CYP2E1: variants seen among roughly 807,000 people sequenced by gnomAD.
The protein encoded by CYP2E1 is cytochrome P450 family 2 subfamily E member 1, also known as cytochrome P450 2E1.
CYP2E1 carries 31 observed loss-of-function variants against 42.9 expected under a neutral mutation model. The ratio of observed to expected loss-of-function variants is 0.72; its 90% CI spans 0.54 to 0.98. CYP2E1 has a LOEUF of 0.98. CYP2E1 is among the 50% of genes least tolerant of loss of function. CYP2E1 has a pLI of 0.00. For synonymous variants in CYP2E1, 244 were observed against 248.9 expected (o/e 0.98, Z 0.19); for missense variants, 565 against 633.2 (o/e 0.89, Z 1.16).
chr10:133,532,646 T>C lies in CYP2E1; in HGVS notation c.649-46T>C, dbSNP rs369800539. The C allele has an allele frequency of 2.4e-4, 356 of 1,476,510 alleles. 1 individual carries two copies. The highest frequency in any genetic ancestry group is 1.3e-3 in the African/African-American group (94 of 71,240). The allele number at this position is 1,476,510 out of a possible 1,614,324, so 91.5% of individuals were successfully genotyped here. On this transcript the variant is annotated intron_variant, in intron 4 of 8. Transcript: ENST00000252945. Reference sequence around the variant, plus strand: ...GTTGTTGGTCCAACACACACAATTATGTTGCATCCAGAAAAAAGTAGTAAA... The same window carrying C: ...GTTGTTGGTCCAACACACACAATTACGTTGCATCCAGAAAAAAGTAGTAAA...
chr10:133,530,550 C>T (rs1446011504), intron 2 of CYP2E1, among the ~76,000 whole-genome samples: 1 of 152,194 alleles, frequency 6.6e-6, no homozygotes, highest in East Asian at 1.9e-4. Flanking sequence ...CACACGAGCA[C>T]AGCTTCACCA....
chr10:133,532,595 C>T (rs1851352580), intron 4 of CYP2E1, 97 bp from the exon 5 acceptor site: 2 of 1,123,900 alleles, frequency 1.8e-6, no homozygotes, highest in South Asian at 1.5e-5. Flanking sequence ...ACAATGATTA[C>T]AGCCACAAAT....
intron 6 of CYP2E1, among the ~76,000 whole-genome samples, chr10:133,534,470 A>T (rs541696891): frequency 6.6e-6 from 1 of 152,162 alleles, no homozygotes; most frequent in Non-Finnish European, 1.5e-5. Context: ...GCAGAGGGTC[A>T]TGCCCTGAGA....
At position 133,527,518 on chromosome 10, in the gene CYP2E1, C is replaced by T. The variant is rs776753984; in HGVS notation, c.123C>T (p.Ile41=). ...CCCCAGGCCCTTTCCCGCTTCCCAT[C>T]ATCGGGAACCTCTTCCAGTTGGAAT... The part of the protein sequence containing the change: ...NLPPGPFPLP[I]IGNLFQLELK... The change falls in exon 1 of 9, where the codon ATC becomes ATT. Residue 41 remains isoleucine (I), a synonymous_variant. Transcript: ENST00000252945. The T allele has an allele frequency of 6.2e-7, 1 of 1,613,594 alleles. No homozygotes were observed. Among genetic ancestry groups the T allele is most frequent in the Non-Finnish European group, 8.5e-7 (1 of 1,179,914 alleles).
At chr10:133,537,696 T>C (rs1851422263) in intron 7 of CYP2E1, 55 bp from the exon 8 acceptor site, 2 of 1,516,556 alleles carry the variant, frequency 1.3e-6, no homozygotes, top group African/African-American at 1.4e-5. Flanking sequence ...GGTTTCCAGA[T>C]GAAAGCCCAC....
At chr10:133,536,246 A>G (rs948637086) in intron 6 of CYP2E1, among the ~76,000 whole-genome samples, 1 of 152,114 alleles carries the variant, frequency 6.6e-6, no homozygotes, top group East Asian at 1.9e-4. Flanking sequence ...ATGCCAAAAC[A>G]TCCAGTAAAT....
intron 1 of CYP2E1, 56 bp from the exon 2 acceptor site, chr10:133,528,425 G>A: frequency 1.2e-6 from 2 of 1,600,054 alleles, no homozygotes; most frequent in Non-Finnish European, 1.7e-6. Flanking sequence ...GTGGCTTAGA[G>A]CCCCGCACCT....
At chr10:133,528,128 C>T in intron 1 of CYP2E1, 1 of 250,002 alleles carries the variant, frequency 4.0e-6, no homozygotes, top group Non-Finnish European at 7.7e-6. Context: ...CGGGCTCCCG[C>T]GCCAGAACCG....
chr10:133,529,920 C>T (rs1482234508), intron 2 of CYP2E1, among the ~76,000 whole-genome samples: 1 of 152,166 alleles, frequency 6.6e-6, no homozygotes, highest in African/African-American at 2.4e-5. Flanking sequence ...TTGTCGTTAA[C>T]GCAGGAGAAG....
intron 6 of CYP2E1, 112 bp from the exon 7 acceptor site, chr10:133,536,951 T>G (rs1564849914): frequency 6.2e-6 from 5 of 810,090 alleles, no homozygotes; most frequent in African/African-American, 1.7e-5. Context: ...TGGATGGATG[T>G]GTAGGTGGGC....
chr10:133,538,909 T>C lies in CYP2E1; in HGVS notation c.1427T>C (p.Ile476Thr). ...PKDIDLSPIH[I>T]GFGCIPPRYK... The stretch of plus-strand genomic sequence containing the variant: ...GATATCGACCTCAGCCCTATACATA[T>C]TGGGTTTGGCTGTATCCCACCACGT... Residue 476 changes from isoleucine (I) to threonine (T), a missense_variant, in exon 9 of 9, where the codon ATT becomes ACT. Ile to Thr is a moderately conservative substitution (Grantham distance 89, BLOSUM62 -1). Coordinates refer to ENST00000252945, the MANE Select transcript of CYP2E1 (RefSeq NM_000773.4). The C allele has an allele frequency of 3.7e-6, 6 of 1,614,064 alleles. No individual in the cohort carries two copies. Among genetic ancestry groups the C allele is most frequent in the Non-Finnish European group, 5.1e-6 (6 of 1,179,986 alleles).
At chr10:133,532,901 C>T (rs558811484) in intron 5 of CYP2E1, 33 bp downstream of exon 5, 17 of 1,560,598 alleles carry the variant, frequency 1.1e-5, no homozygotes, top group South Asian at 3.7e-5. Context: ...GTGGGCTCTC[C>T]GGGGTGGGCA....
At chr10:133,538,016 G>A in intron 8 of CYP2E1, 124 bp downstream of exon 8, 1 of 907,228 alleles carries the variant, frequency 1.1e-6, no homozygotes, top group African/African-American at 1.6e-5. Flanking sequence ...TGTGTGCCCT[G>A]TTTCTATTGA....
chr10:133,537,811 C>A lies in CYP2E1; in HGVS notation c.1216C>A (p.Pro406Thr). ...VLYDNQEFPDPEKFKPEHFLN... is the reference protein window; with the variant it reads ...VLYDNQEFPDTEKFKPEHFLN... ...GTATGACAACCAAGAATTTCCTGAT[C>A]CAGAAAAGTTTAAGCCAGAACACTT... is the stretch of plus-strand genomic sequence containing the variant. The change falls in exon 8 of 9, where the codon CCA (proline) becomes ACA (threonine). Residue 406 changes from proline to threonine, a missense_variant. Transcript: ENST00000252945. 1 of 1,613,608 alleles carries A rather than the reference C, an allele frequency of 6.2e-7. No individual in the cohort carries two copies. Among genetic ancestry groups the A allele is most frequent in the Non-Finnish European group, 8.5e-7 (1 of 1,179,636 alleles).
Position 133,528,575 on chromosome 10 carries a change from T to C in CYP2E1, c.272T>C (p.Leu91Pro). 6.2e-7 allele frequency: 1 copy of C among 1,613,516 alleles called. No individual in the cohort carries two copies. The highest frequency in any genetic ancestry group is 8.5e-7 in the Non-Finnish European group (1 of 1,179,968). ...HGYKAVKEAL[L>P]DYKDEFSGRG... ...TACAAGGCGGTGAAGGAAGCGCTGC[T>C]GGACTACAAGGACGAGTTCTCGGGC... The change falls in exon 2 of 9, where the codon CTG becomes CCG. Residue 91 changes from leucine to proline, a missense_variant. Transcript: ENST00000252945.
chr10:133,536,738 TGG>T, intron 6 of CYP2E1, among the ~76,000 whole-genome samples: 1 of 23,826 alleles, frequency 4.2e-5, no homozygotes, highest in Non-Finnish European at 2.5e-4. Context: ...GTTGGATGGA[TGG>T]GTGGGTGGGT....
Position 133,533,746 on chromosome 10 carries a change from G to T in CYP2E1, c.826-10G>T. 1 of 1,613,610 alleles carries T rather than the reference G, an allele frequency of 6.2e-7. No individual in the cohort carries two copies. Among genetic ancestry groups the T allele is most frequent in the Non-Finnish European group, 8.5e-7 (1 of 1,179,772 alleles). On this transcript the variant is annotated splice_polypyrimidine_tract_variant and intron_variant, in intron 5 of 8. Coordinates refer to ENST00000252945, the MANE Select transcript of CYP2E1 (RefSeq NM_000773.4). ...GCCCCTTCTCCTCCGGTCTGTCTCC[G>T]GTATCACAGGAAAAGCACAGTGCAG... is the stretch of plus-strand genomic sequence containing the variant.
chr10:133,537,895 G>A lies in CYP2E1; in HGVS notation c.1297+3G>A, dbSNP rs1273436716. ...CTATTTCAAGCCATTTTCCACAGGT[G>A]AGAAAGATCAGAGGCAGTACCTTCC... On this transcript the variant is annotated splice_donor_region_variant and intron_variant, in intron 8 of 8. Transcript: ENST00000252945. The A allele has an allele frequency of 6.2e-6, 10 of 1,612,986 alleles. No homozygotes were observed. The highest frequency in any genetic ancestry group is 2.7e-5 in the African/African-American group (2 of 74,892).
chr10:133,539,049 C>G lies in CYP2E1; in HGVS notation c.*85C>G. On this transcript the variant is annotated 3_prime_UTR_variant, in exon 9 of 9. Transcript: ENST00000252945. Reference sequence around the variant, plus strand: ...CAGGATTTCTCAAACTGATTCCTTTCTTTGCATATGAGTATTTGAAAATAA... The same window carrying G: ...CAGGATTTCTCAAACTGATTCCTTTGTTTGCATATGAGTATTTGAAAATAA... 1.9e-6 allele frequency: 2 copies of G among 1,026,464 alleles called. No homozygotes were observed. Among genetic ancestry groups the G allele is most frequent in the South Asian group, 3.8e-5 (2 of 52,624 alleles). The allele number at this position is 1,026,464 out of a possible 1,614,324, so 63.6% of individuals were successfully genotyped here.
Sources: allele counts gnomAD v4.1 joint callset (sites outside exome capture counted in the v4.1 genomes callset), GRCh38; gene constraint gnomAD v4.1.1; transcripts MANE v1.5; gene names NCBI Gene and HGNC (gene_info 2026-07-23, HGNC 2026-07-21).